Variants in MYO5A observed in about 807,000 individuals in gnomAD.
MYO5A encodes the protein myosin VA.
MYO5A carries 98 observed loss-of-function variants against 249.7 expected under a neutral mutation model. The ratio of observed to expected loss-of-function variants is 0.39; its 90% CI spans 0.33 to 0.46. MYO5A has a LOEUF of 0.46. MYO5A is among the 20% of genes least tolerant of loss of function. The pLI, the probability that MYO5A is intolerant of heterozygous loss-of-function variation, is 0.98. For synonymous variants in MYO5A, 778 were observed against 810.6 expected, an observed-to-expected ratio of 0.96 and a Z score of 0.68; for missense variants, 1,696 against 2,308.8, an observed-to-expected ratio of 0.73 and a Z score of 5.44.
In MYO5A at chr15:52,313,471, T is replaced by C. The variant is rs1325530081; in HGVS notation, c.*225A>G. 1.1e-5 allele frequency: 6 copies of C among 552,512 alleles called. No individual in the cohort carries two copies. The highest frequency in any genetic ancestry group is 2.0e-5 in the South Asian group (1 of 49,182). The allele number at this position is 552,512 out of a possible 1,614,324, so 34.2% of individuals were successfully genotyped here. A position where few individuals can be genotyped will look rare whatever the true frequency, so the allele number is the denominator to read the frequency against. ...CTGTATGTAAACTCACGGTACCTAG[T>C]TGGTTAAGGATGAGTGTTGCTATAA... On this transcript the variant is annotated 3_prime_UTR_variant, in exon 42 of 42. Coordinates refer to ENST00000399233, the MANE Select transcript of MYO5A (RefSeq NM_001382347.1).
chr15:52,380,544 G>A (rs553610685), intron 16 of MYO5A, among the ~76,000 whole-genome samples: 3 of 150,652 alleles, frequency 2.0e-5, no homozygotes, highest in East Asian at 4.0e-4. Flanking sequence ...AAGGGCAGGC[G>A]GATCACGAGG....
At chr15:52,489,437 A>G (rs1219556170) in intron 1 of MYO5A, among the ~76,000 whole-genome samples, 2 of 151,908 alleles carry the variant, frequency 1.3e-5, no homozygotes, top group Non-Finnish European at 2.9e-5. Context: ...GGTGGCACGC[A>G]CCTGTAGTCC....
chr15:52,397,523 C>A, intron 9 of MYO5A, 57 bp from the exon 10 acceptor site: 1 of 1,581,758 alleles, frequency 6.3e-7, no homozygotes, highest in Non-Finnish European at 8.7e-7. Flanking sequence ...AAGAATCTCT[C>A]GGAAAATGTT....
chr15:52,403,912 C>A (rs1274345242), intron 9 of MYO5A, among the ~76,000 whole-genome samples: 1 of 152,118 alleles, frequency 6.6e-6, no homozygotes, highest in Non-Finnish European at 1.5e-5. Context: ...AAGGATCAAG[C>A]TTTCTGTAAA....
At chr15:52,506,475 C>T (rs546765674) in intron 1 of MYO5A, among the ~76,000 whole-genome samples, 5 of 151,012 alleles carry the variant, frequency 3.3e-5, no homozygotes, top group African/African-American at 9.7e-5. Flanking sequence ...TACAGTTAGC[C>T]GAGATCGCGC....
At chr15:52,434,574 C>T (rs1253502403) in intron 1 of MYO5A, among the ~76,000 whole-genome samples, 2 of 152,040 alleles carry the variant, frequency 1.3e-5, no homozygotes, top group Non-Finnish European at 2.9e-5. Context: ...CAGGGATTCC[C>T]AAAGCAGCAA....
chr15:52,416,038 G>T, intron 5 of MYO5A, 107 bp downstream of exon 5: 1 of 1,297,904 alleles, frequency 7.7e-7, no homozygotes. Context: ...CTTAATTTTA[G>T]TGGCTGGAGA....
intron 1 of MYO5A, among the ~76,000 whole-genome samples, chr15:52,454,158 AG>A (rs1249462799): frequency 5.3e-5 from 8 of 152,128 alleles, no homozygotes; most frequent in Non-Finnish European, 8.8e-5. Context: ...CTGAAAGTGA[AG>A]GGATGGAAAG....
intron 22 of MYO5A, among the ~76,000 whole-genome samples, chr15:52,368,739 A>C (rs1189130106): frequency 6.6e-6 from 1 of 152,230 alleles, no homozygotes; most frequent in Non-Finnish European, 1.5e-5. Context: ...CACCGTCTGA[A>C]CTAAAGTTAG....
At chr15:52,383,512 T>G (rs2041845780) in intron 15 of MYO5A, among the ~76,000 whole-genome samples, 1 of 152,216 alleles carries the variant, frequency 6.6e-6, no homozygotes, top group African/African-American at 2.4e-5. Flanking sequence ...TTAAGGCTAT[T>G]TAATCACATA....
In MYO5A at chr15:52,311,490, C is replaced by CAAAT. The variant is rs896750002; in HGVS notation, c.*2202_*2205dup. 2.6e-5 allele frequency: 4 copies of CAAAT among 152,100 alleles called. No homozygotes were observed. Among genetic ancestry groups the CAAAT allele is most frequent in the Non-Finnish European group, 5.9e-5 (4 of 68,018 alleles). 9.4% of individuals were successfully genotyped at this position (152,100 alleles called of 1,614,324 possible). A position where few individuals can be genotyped will look rare whatever the true frequency, so the allele number is the denominator to read the frequency against. ...TTGGTAGTGTTTCTGGTTGATACTG[C>CAAAT]AAATAAATAAATAAATGTATTCAAA... On this transcript the variant is annotated 3_prime_UTR_variant, in exon 42 of 42. Transcript: ENST00000399233.
At chr15:52,423,305 C>A (rs1382362064) in intron 4 of MYO5A, among the ~76,000 whole-genome samples, 1 of 152,152 alleles carries the variant, frequency 6.6e-6, no homozygotes, top group Non-Finnish European at 1.5e-5. Flanking sequence ...GTAATCCCAG[C>A]ACTTTGGGAG....
At position 52,343,218 on chromosome 15, in the gene MYO5A, C is replaced by G. The variant is rs759025908; in HGVS notation, c.3960-21G>C. 39 of 1,585,888 alleles carry G rather than the reference C, an allele frequency of 2.5e-5. No homozygotes were observed. The South Asian group carries it at 3.2e-4, about 13-fold the overall frequency. On this transcript the variant is annotated intron_variant, in intron 30 of 41. Coordinates refer to ENST00000399233, the MANE Select transcript of MYO5A (RefSeq NM_001382347.1). ...ATGATCTTCCATGCAAAAGGAACAA[C>G]AATGCAAAACACAAAAGGATACAGG...
intron 36 of MYO5A, chr15:52,323,833 G>T (rs751341037): frequency 1.4e-5 from 4 of 278,408 alleles, no homozygotes; most frequent in Non-Finnish European, 2.8e-5. Context: ...GCGAAACCCC[G>T]TCTCTACTAA....
intron 1 of MYO5A, among the ~76,000 whole-genome samples, chr15:52,496,469 G>A (rs1448297900): frequency 6.6e-6 from 1 of 152,162 alleles, no homozygotes; most frequent in African/African-American, 2.4e-5. Context: ...TTGTGGCTGA[G>A]GTGAAAGAGG....
At chr15:52,408,784 C>T (rs2043122554) in intron 6 of MYO5A, among the ~76,000 whole-genome samples, 1 of 152,102 alleles carries the variant, frequency 6.6e-6, no homozygotes, top group Admixed American at 6.5e-5. Context: ...TCACTATATC[C>T]TTCATTTTTA....
chr15:52,344,034 C>A (rs2039498852), intron 30 of MYO5A, among the ~76,000 whole-genome samples: 1 of 152,134 alleles, frequency 6.6e-6, no homozygotes, highest in African/African-American at 2.4e-5. Flanking sequence ...AAGTAAGATA[C>A]CCATAGAGGT....
At chr15:52,504,815 G>A (rs546588903) in intron 1 of MYO5A, among the ~76,000 whole-genome samples, 96 of 151,812 alleles carry the variant, frequency 6.3e-4, no homozygotes, top group African/African-American at 2.2e-3. Context: ...CTTGGACCCA[G>A]CAGGCAGAGG....
intron 25 of MYO5A, among the ~76,000 whole-genome samples, chr15:52,359,730 T>C (rs1189653557): frequency 6.6e-6 from 1 of 152,170 alleles, no homozygotes. Flanking sequence ...CAAAATTGCA[T>C]TAAAAATTAA....
Sources: allele counts gnomAD v4.1 joint callset (sites outside exome capture counted in the v4.1 genomes callset), GRCh38; gene constraint gnomAD v4.1.1; transcripts MANE v1.5; gene names NCBI Gene and HGNC (gene_info 2026-07-23, HGNC 2026-07-21).